The following RASEF variants were observed in gnomAD, a reference collection of about 807,000 sequenced individuals.
RASEF encodes the protein RAS and EF-hand domain containing, also known as ras and EF-hand domain-containing protein.
A neutral mutation model predicts 90.1 loss-of-function variants in RASEF; 68 were observed. That is an observed-to-expected ratio of 0.75 (90% CI 0.62 to 0.92). RASEF has a LOEUF of 0.92. Among genes scored for constraint, RASEF ranks in the 40% least tolerant of loss-of-function variants. The probability of loss-of-function intolerance (pLI) is 0.00; values close to 1 mark genes in which losing one functional copy is unlikely to be tolerated. For synonymous variants in RASEF, 331 were observed against 345.2 expected (o/e 0.96, Z 0.46); for missense variants, 949 against 937.2 (o/e 1.01, Z -0.16).
chr9:83,187,904 G>A, the RASEF span, among the ~76,000 whole-genome samples: 27 of 152,254 alleles, frequency 1.8e-4, no homozygotes, highest in Admixed American at 1.2e-3. Flanking sequence ...TCCACCAGCC[G>A]TGAGACTGTA....
At chr9:83,141,591 G>C in the RASEF span, among the ~76,000 whole-genome samples, 1 of 152,174 alleles carries the variant, frequency 6.6e-6, no homozygotes, top group Admixed American at 6.6e-5. Context: ...GGAGTCTGAG[G>C]CGTTCTTGTC....
In RASEF at chr9:82,979,652, T is replaced by C. The variant is rs1346032824; in HGVS notation, c.*3025A>G. ...AAAATATTTGTAGTTCCTTAGACATTTGCATTGCTATAAAAATTACACTTT... is the reference window on the plus strand; with the variant it reads ...AAAATATTTGTAGTTCCTTAGACATCTGCATTGCTATAAAAATTACACTTT... On this transcript the variant is annotated 3_prime_UTR_variant, in exon 17 of 17. Transcript: ENST00000376447. 6.6e-6 allele frequency: 1 copy of C among 152,226 alleles called. No individual in the cohort carries two copies. Among genetic ancestry groups the C allele is most frequent in the Non-Finnish European group, 1.5e-5 (1 of 68,048 alleles). 9.4% of individuals were successfully genotyped at this position (152,226 alleles called of 1,614,324 possible).
At chr9:83,071,594 T>TG in the RASEF span, among the ~76,000 whole-genome samples, 15 of 152,096 alleles carry the variant, frequency 9.9e-5, no homozygotes, top group African/African-American at 2.9e-4. Flanking sequence ...TTTGTAGAGA[T>TG]GGGGGGTTTC....
chr9:83,067,704 G>A (rs925463598), upstream of RASEF, among the ~76,000 whole-genome samples: 1 of 152,170 alleles, frequency 6.6e-6, no homozygotes, highest in African/African-American at 2.4e-5. Context: ...TTGAACCAGA[G>A]CAGAGTTGGC....
chr9:83,005,893 A>G (rs1169711526), intron 7 of RASEF, among the ~76,000 whole-genome samples: 1 of 152,224 alleles, frequency 6.6e-6, no homozygotes, highest in Non-Finnish European at 1.5e-5. Context: ...ATCAGGCTTC[A>G]TGCTCCTGGC....
At chr9:83,202,025 G>A in the RASEF span, 2 of 156,776 alleles carry the variant, frequency 1.3e-5, no homozygotes, top group Admixed American at 6.3e-5. Flanking sequence ...TACATCTCCA[G>A]TTATGGCCCT....
chr9:83,071,763 C>T, the RASEF span, among the ~76,000 whole-genome samples: 1 of 152,170 alleles, frequency 6.6e-6, no homozygotes, highest in Non-Finnish European at 1.5e-5. Context: ...TAATCCAACC[C>T]TCACTTTCCA....
At chr9:82,991,602 A>G (rs1410861247) in intron 15 of RASEF, among the ~76,000 whole-genome samples, 1 of 152,212 alleles carries the variant, frequency 6.6e-6, no homozygotes, top group Non-Finnish European at 1.5e-5. Context: ...CTTTACTCGT[A>G]AGCCCACAAA....
At chr9:82,985,765 T>C (rs536988272) in intron 16 of RASEF, among the ~76,000 whole-genome samples, 28 of 152,188 alleles carry the variant, frequency 1.8e-4, no homozygotes, top group African/African-American at 6.3e-4. Context: ...CAAAAGAGAC[T>C]GAAAGATGAC....
chr9:83,073,636 A>G, the RASEF span, among the ~76,000 whole-genome samples: 1 of 152,222 alleles, frequency 6.6e-6, no homozygotes. Flanking sequence ...GCCTGCAGAA[A>G]TCAATACCAT....
intron 3 of RASEF, among the ~76,000 whole-genome samples, chr9:83,020,489 G>A (rs1471864938): frequency 6.6e-6 from 1 of 152,208 alleles, no homozygotes; most frequent in African/African-American, 2.4e-5. Flanking sequence ...GGATGGACAG[G>A]CAAACAAGTT....
chr9:83,144,488 A>G, the RASEF span, among the ~76,000 whole-genome samples: 3 of 152,126 alleles, frequency 2.0e-5, no homozygotes, highest in African/African-American at 7.2e-5. Flanking sequence ...AGAAAAGAAA[A>G]GAAAATCCTG....
chr9:83,179,813 C>T, the RASEF span, among the ~76,000 whole-genome samples: 1 of 152,124 alleles, frequency 6.6e-6, no homozygotes, highest in Non-Finnish European at 1.5e-5. Context: ...CACATACACA[C>T]ACACACGTAC....
chr9:83,049,368 GA>G (rs1829998496), intron 1 of RASEF: 1 of 983,534 alleles, frequency 1.0e-6, no homozygotes, highest in Non-Finnish European at 1.2e-6. Context: ...GTCCGTGCGG[GA>G]CTGGCTCATA....
At chr9:83,202,772 T>G in the RASEF span, among the ~76,000 whole-genome samples, 1 of 151,988 alleles carries the variant, frequency 6.6e-6, no homozygotes, top group African/African-American at 2.4e-5. Flanking sequence ...GATTACAGGC[T>G]TGAGCCACCA....
At chr9:83,169,889 T>C in the RASEF span, among the ~76,000 whole-genome samples, 1 of 151,888 alleles carries the variant, frequency 6.6e-6, no homozygotes, top group African/African-American at 2.4e-5. Context: ...TATCTTCACT[T>C]TGTTGATTGT....
chr9:83,197,522 A>AT, the RASEF span, among the ~76,000 whole-genome samples: 1 of 151,002 alleles, frequency 6.6e-6, no homozygotes, highest in Non-Finnish European at 1.5e-5. Context: ...AAAGATGATG[A>AT]TTTTTTAAAA....
At chr9:83,015,419 G>T (rs1458209049) in intron 4 of RASEF, among the ~76,000 whole-genome samples, 1 of 152,180 alleles carries the variant, frequency 6.6e-6, no homozygotes, top group Non-Finnish European at 1.5e-5. Flanking sequence ...AGTGGCTCAC[G>T]CCTGTAATCC....
At chr9:83,148,957 C>T in the RASEF span, among the ~76,000 whole-genome samples, 9 of 152,218 alleles carry the variant, frequency 5.9e-5, no homozygotes, top group Non-Finnish European at 7.3e-5. Flanking sequence ...CTTCAGCCCA[C>T]GCTCTGTCAC....
Sources: allele counts gnomAD v4.1 joint callset (sites outside exome capture counted in the v4.1 genomes callset), GRCh38; gene constraint gnomAD v4.1.1; transcripts MANE v1.5; gene names NCBI Gene and HGNC (gene_info 2026-07-23, HGNC 2026-07-21).